The following PODN variants were observed in gnomAD, a reference collection of about 807,000 sequenced individuals.
PODN encodes the protein podocan.
A neutral mutation model predicts 52.7 loss-of-function variants in PODN; 40 were observed. The observed-to-expected ratio is 0.76, with a 90% CI of 0.59 to 0.99. The LOEUF is 0.99. Ranked by LOEUF, PODN falls within the 50% of genes least tolerant of loss-of-function variation. The pLI is 0.00. For synonymous variants in PODN, 396 were observed against 377.9 expected, an observed-to-expected ratio of 1.05 and a Z score of -0.56; for missense variants, 720 against 815.1, an observed-to-expected ratio of 0.88 and a Z score of 1.42.
intron 2 of PODN, chr1:53,071,302 G>C: frequency 4.4e-6 from 2 of 458,156 alleles, no homozygotes; most frequent in Non-Finnish European, 7.8e-6. Context: ...CCATGTGTGG[G>C]CTCCCTGAAG....
chr1:53,065,355 C>CA (rs112697433), intron 1 of PODN, among the ~76,000 whole-genome samples: 21,980 of 140,014 alleles, frequency 0.16, 3,162 homozygotes, highest in African/African-American at 0.39. Flanking sequence ...GACCCTGTCT[C>CA]AAAAAAAAAA....
Position 53,078,719 on chromosome 1 carries a change from C to T in PODN, c.1209C>T (p.Thr403=), listed in dbSNP as rs1176186670. The change falls in exon 8 of 11, where the codon ACC becomes ACT. Residue 403 remains threonine, a synonymous_variant. Coordinates refer to ENST00000312553, the MANE Select transcript of PODN (RefSeq NM_153703.5). ...TGIGREDFAT[T]YFLEELNLSY... ...TTGGCCGCGAAGACTTTGCCACCAC[C>T]TACTTCCTGGAGGAGCTCAACCTCA... The T allele has an allele frequency of 1.2e-6, 2 of 1,613,386 alleles. No individual in the cohort carries two copies. The highest frequency in any genetic ancestry group is 3.3e-5 in the Admixed American group (2 of 60,016).
Position 53,082,571 on chromosome 1 carries a change from C to A in PODN, c.*27+383C>A, listed in dbSNP as rs1474399843. Among the ~76,000 whole-genome samples the A allele has an allele frequency of 2.0e-5, 3 of 152,102 alleles. No individual in the cohort carries two copies. The East Asian group carries it at 5.8e-4, about 29-fold the overall frequency. ...GCCATGGGAGAGTGAGTGAGGGGGG[C>A]AGGTGACTGAGACAGAGCAGTTAGG... On this transcript the variant is annotated intron_variant, in intron 10 of 10. Transcript: ENST00000312553.
At position 53,064,298 on chromosome 1, in the gene PODN, C is replaced by T. The variant is rs139791469; in HGVS notation, c.-56+1990C>T. ...CCAGCCAAGGTTGCTGTGGAAGCAC[C>T]CAGAAACACCCTAACCCAGCCAAGG... On this transcript the variant is annotated intron_variant, in intron 1 of 10. Transcript: ENST00000312553. Among the ~76,000 whole-genome samples the T allele has an allele frequency of 2.7e-3, 415 of 152,314 alleles. 2 individuals carry two copies. Among genetic ancestry groups the T allele is most frequent in the African/African-American group, 9.6e-3 (401 of 41,576 alleles).
chr1:53,071,429 C>A, intron 2 of PODN, 106 bp from the exon 3 acceptor site: 2 of 965,684 alleles, frequency 2.1e-6, no homozygotes, highest in Non-Finnish European at 3.1e-6. Flanking sequence ...GGGAGGTGCC[C>A]AGCAGGTGGA....
chr1:53,063,559 G>A (rs1051245485), intron 1 of PODN: 1 of 985,566 alleles, frequency 1.0e-6, no homozygotes, highest in East Asian at 1.1e-4. Flanking sequence ...AGCATTCCGA[G>A]GTAGGTCACT....
chr1:53,067,364 G>A (rs1395944474), intron 1 of PODN, among the ~76,000 whole-genome samples: 3 of 152,030 alleles, frequency 2.0e-5, no homozygotes, highest in South Asian at 2.1e-4. Context: ...AGTCTGGGTG[G>A]GCAGTGGTTA....
intron 4 of PODN, among the ~76,000 whole-genome samples, chr1:53,075,389 G>T (rs775835727): frequency 6.6e-6 from 1 of 152,156 alleles, no homozygotes; most frequent in South Asian, 2.1e-4. Context: ...AGCCACAAAT[G>T]GTGCCTCTGG....
At chr1:53,076,906 T>C (rs1311154430) in intron 5 of PODN, among the ~76,000 whole-genome samples, 3 of 151,772 alleles carry the variant, frequency 2.0e-5, no homozygotes, top group Non-Finnish European at 4.4e-5. Flanking sequence ...GCTGAAAGGG[T>C]CAGGGGTCAA....
At chr1:53,066,908 G>A (rs1285692613) in intron 1 of PODN, 1 of 1,528,922 alleles carries the variant, frequency 6.5e-7, no homozygotes, top group Non-Finnish European at 8.9e-7. Context: ...TCCTTCCCCT[G>A]GATTCTTCTC....
chr1:53,064,176 C>T (rs1644000506), intron 1 of PODN, among the ~76,000 whole-genome samples: 1 of 152,220 alleles, frequency 6.6e-6, no homozygotes, highest in African/African-American at 2.4e-5. Context: ...CCAACTCTGC[C>T]TTTCACAAAG....
At position 53,070,045 on chromosome 1, in the gene PODN, G is replaced by T; in HGVS notation, c.190G>T (p.Ala64Ser). The T allele has an allele frequency of 6.2e-7, 1 of 1,612,986 alleles. No homozygotes were observed. The highest frequency in any genetic ancestry group is 1.1e-5 in the South Asian group (1 of 91,078). Residue 64 changes from alanine (A) to serine (S), a missense_variant, in exon 2 of 11, where the codon GCC (alanine) becomes TCC (serine). Physicochemically the swap from Ala to Ser is moderately conservative, Grantham distance 99. Coordinates refer to ENST00000312553, the MANE Select transcript of PODN (RefSeq NM_153703.5). ...CCCTGAGGAGCCCGGGCCTGGCCCA[G>T]CCGCGGTCAGCTGCCCCCGAGACTG... ...LSPEEPGPGP[A>S]AVSCPRDCAC...
rs1644188507 is a variant in PODN at position 53,075,967 on chromosome 1, T to C, written c.577T>C (p.Leu193=). 4 of 1,585,136 alleles carry C rather than the reference T, an allele frequency of 2.5e-6. No individual in the cohort carries two copies. Among genetic ancestry groups the C allele is most frequent in the Non-Finnish European group, 3.4e-6 (4 of 1,162,942 alleles). The change falls in exon 5 of 11, where the codon TTG becomes CTG. Residue 193 remains leucine, a synonymous_variant. Coordinates refer to ENST00000312553, the MANE Select transcript of PODN (RefSeq NM_153703.5). ...YGLTFGQKPN[L]RSVYLHNNKL... ...GCTCACCTTTGGCCAGAAGCCAAAC[T>C]TGAGGTCAGAGGTCGGGGGTGGTCA...
intron 3 of PODN, among the ~76,000 whole-genome samples, chr1:53,072,114 AAAAAT>A (rs547765031): frequency 1.3e-5 from 2 of 150,034 alleles, no homozygotes; most frequent in South Asian, 2.1e-4. Context: ...AAAATAAAAT[AAAAAT>A]AAAATAAAAT....
At chr1:53,072,714 TA>T (rs1450015550) in intron 3 of PODN, among the ~76,000 whole-genome samples, 5 of 152,190 alleles carry the variant, frequency 3.3e-5, no homozygotes. Flanking sequence ...CTGAACAGTT[TA>T]AGAAGGTGGA....
intron 9 of PODN, 139 bp downstream of exon 9, chr1:53,081,015 T>C: frequency 1.7e-6 from 2 of 1,205,832 alleles, no homozygotes; most frequent in Non-Finnish European, 2.3e-6. Flanking sequence ...GTGGGGACAG[T>C]CCTGGCCAGG....
intron 1 of PODN, among the ~76,000 whole-genome samples, chr1:53,063,010 G>A (rs1643981130): frequency 6.6e-6 from 1 of 152,238 alleles, no homozygotes; most frequent in African/African-American, 2.4e-5. Context: ...GGTCCGCGAA[G>A]CGCGAGGAGC....
chr1:53,080,721 C>A lies in PODN; in HGVS notation c.1513-7C>A. The stretch of plus-strand genomic sequence containing the variant: ...GGAGTCCCTGACTCCCTTGGTCACC[C>A]CTGCAGCTGCTGGACATCGCCGGGA... On this transcript the variant is annotated splice_region_variant and splice_polypyrimidine_tract_variant and intron_variant, in intron 8 of 10. Coordinates refer to ENST00000312553, the MANE Select transcript of PODN (RefSeq NM_153703.5). The A allele has an allele frequency of 6.2e-7, 1 of 1,613,352 alleles. No individual in the cohort carries two copies. The highest frequency in any genetic ancestry group is 8.5e-7 in the Non-Finnish European group (1 of 1,179,642).
In PODN at chr1:53,082,126, G is replaced by T. The variant is rs746855020; in HGVS notation, c.1807G>T (p.Glu603Ter). The T allele has an allele frequency of 1.3e-6, 2 of 1,586,658 alleles. No individual in the cohort carries two copies. Among genetic ancestry groups the T allele is most frequent in the Non-Finnish European group, 1.7e-6 (2 of 1,172,608 alleles). Residue 603 changes from glutamate (E) to a stop codon, truncating the protein, a stop_gained, in exon 10 of 11, where the codon GAA becomes TAA. Transcript: ENST00000312553. LOFTEE classifies it high-confidence loss of function. ...GRLGKEKEEE[E>*]EEEEEEEETR ...CTTGGGGAAGGAAAAGGAGGAGGAG[G>T]AAGAGGAGGAGGAGGAGGAAGAGGA...
Sources: gnomAD v4.1 joint callset for allele counts (sites outside exome capture counted in the v4.1 genomes callset) on GRCh38, gnomAD v4.1.1 for gene constraint, MANE v1.5 for transcripts, NCBI Gene and HGNC (gene_info 2026-07-23, HGNC 2026-07-21) for gene names.